Variants in DAB1 observed in about 807,000 individuals in gnomAD.
The protein encoded by DAB1 is DAB adaptor protein 1.
In DAB1, 15 loss-of-function variants were observed where a neutral mutation model predicts 64.6. That is an observed-to-expected ratio of 0.23 (90% CI 0.16 to 0.36). DAB1 has a LOEUF of 0.36. DAB1 is among the 10% of genes least tolerant of loss of function. DAB1 has a pLI of 1.00. For synonymous variants in DAB1, 235 were observed against 251.9 expected (o/e 0.93, Z 0.64); for missense variants, 596 against 706.7 (o/e 0.84, Z 1.78).
chr1:57,052,676 C>A (rs1649307674), intron 9 of DAB1, among the ~76,000 whole-genome samples: 1 of 152,036 alleles, frequency 6.6e-6, no homozygotes. Context: ...TAAATACTGG[C>A]CTATATAATG....
intron 1 of DAB1, among the ~76,000 whole-genome samples, chr1:57,316,421 A>G (rs1675213698): frequency 6.6e-6 from 1 of 152,134 alleles, no homozygotes; most frequent in South Asian, 2.1e-4. Flanking sequence ...CCCTCAAATG[A>G]AGATTTTATT....
intron 1 of DAB1, among the ~76,000 whole-genome samples, chr1:57,333,690 C>T (rs1676861749): frequency 6.6e-6 from 1 of 152,212 alleles, no homozygotes; most frequent in Non-Finnish European, 1.5e-5. Context: ...CTGTAGATTG[C>T]AGACAGTGTT....
intron 9 of DAB1, among the ~76,000 whole-genome samples, chr1:57,061,010 T>C (rs956402794): frequency 1.3e-5 from 2 of 151,838 alleles, no homozygotes; most frequent in African/African-American, 4.8e-5. Context: ...AATGGTGTCA[T>C]GGGGGCTGGA....
chr1:58,066,110 C>T (rs538627802), intron 5 of DAB1, among the ~76,000 whole-genome samples: 119 of 152,168 alleles, frequency 7.8e-4, no homozygotes, highest in Non-Finnish European at 1.3e-3. Flanking sequence ...TAAGCTGATT[C>T]CTAAATAAGA....
At chr1:57,599,652 C>T (rs1187472326) in intron 7 of DAB1, among the ~76,000 whole-genome samples, 1 of 152,096 alleles carries the variant, frequency 6.6e-6, no homozygotes, top group Non-Finnish European at 1.5e-5. Flanking sequence ...ATGTAGAACA[C>T]CTGGAGAGCA....
chr1:57,940,206 G>A (rs557692458), intron 5 of DAB1, among the ~76,000 whole-genome samples: 8 of 152,250 alleles, frequency 5.3e-5, no homozygotes, highest in African/African-American at 1.9e-4. Context: ...CTAAGCCCAG[G>A]GCATTTCAAC....
At chr1:58,174,495 A>G (rs1273822172) in intron 4 of DAB1, among the ~76,000 whole-genome samples, 3 of 152,148 alleles carry the variant, frequency 2.0e-5, no homozygotes, top group African/African-American at 7.2e-5. Context: ...CCTCTGGAGG[A>G]CAGTACAACT....
chr1:57,606,496 A>G (rs1645641152), intron 7 of DAB1, among the ~76,000 whole-genome samples: 1 of 107,106 alleles, frequency 9.3e-6, no homozygotes, highest in South Asian at 2.7e-4. Context: ...CATATGAAAT[A>G]TATAATATAT....
chr1:57,071,329 C>T, intron 6 of DAB1, 193 bp downstream of exon 6: 1 of 713,432 alleles, frequency 1.4e-6, no homozygotes. Flanking sequence ...TTCACTTCAT[C>T]TAACATGTCT....
chr1:58,263,831 T>C (rs972302521), intron 4 of DAB1, among the ~76,000 whole-genome samples: 32 of 152,218 alleles, frequency 2.1e-4, no homozygotes, highest in African/African-American at 7.7e-4. Flanking sequence ...GCTCTATTAG[T>C]GTTATTTTCT....
chr1:57,052,763 G>T (rs528511879), intron 9 of DAB1, among the ~76,000 whole-genome samples: 1 of 152,256 alleles, frequency 6.6e-6, no homozygotes, highest in South Asian at 2.1e-4. Context: ...CACGATATAG[G>T]AATACCTTAT....
At chr1:57,859,560 A>G (rs1653912882) in intron 1 of DAB1, among the ~76,000 whole-genome samples, 2 of 152,160 alleles carry the variant, frequency 1.3e-5, no homozygotes, top group Admixed American at 6.5e-5. Context: ...GGAGGACTTG[A>G]ACCTATCTTT....
intron 4 of DAB1, among the ~76,000 whole-genome samples, chr1:57,105,027 A>G (rs1359255910): frequency 6.6e-6 from 1 of 152,138 alleles, no homozygotes; most frequent in Non-Finnish European, 1.5e-5. Context: ...ACATTTGTAC[A>G]CAAATGAAAA....
intron 7 of DAB1, among the ~76,000 whole-genome samples, chr1:57,564,461 G>A (rs1192016543): frequency 1.3e-5 from 2 of 152,162 alleles, no homozygotes; most frequent in Non-Finnish European, 2.9e-5. Flanking sequence ...GTTGAGAGAA[G>A]GCTTCAGATG....
rs1251496977 is a variant in DAB1, at chr1:58,143,615, A to G, written n.387+6896T>C. 4.6e-5 allele frequency among the ~76,000 whole-genome samples: 7 copies of G among 152,328 alleles called. No homozygotes were observed. The East Asian group carries it at 1.2e-3, about 25-fold the overall frequency. On this transcript the variant is annotated intron_variant and non_coding_transcript_variant, in intron 5 of 20. Coordinates refer to the DAB1 transcript ENST00000485760. ...CCTGGCAGCAGAGACAGGCAATAAC[A>G]GCACTTATTATTGTATGGATTCAAT...
chr1:57,432,448 T>C (rs555831372), intron 7 of DAB1, among the ~76,000 whole-genome samples: 5 of 152,132 alleles, frequency 3.3e-5, no homozygotes, highest in Non-Finnish European at 7.3e-5. Flanking sequence ...GGGTAAACTG[T>C]GTATCAAAAG....
upstream of DAB1, among the ~76,000 whole-genome samples, chr1:57,889,031 C>T (rs1644268028): frequency 6.6e-6 from 1 of 152,108 alleles, no homozygotes; most frequent in Non-Finnish European, 1.5e-5. Flanking sequence ...GAGCTCAGAA[C>T]GTCTGTCATG....
At chr1:58,140,495 C>T (rs750931947) in intron 5 of DAB1, among the ~76,000 whole-genome samples, 20 of 152,062 alleles carry the variant, frequency 1.3e-4, no homozygotes, top group Non-Finnish European at 2.1e-4. Context: ...AAATTGCTTC[C>T]CTTTGCTCAT....
intron 2 of DAB1, among the ~76,000 whole-genome samples, chr1:57,145,881 C>T (rs1454977124): frequency 6.6e-6 from 1 of 152,170 alleles, no homozygotes; most frequent in Non-Finnish European, 1.5e-5. Flanking sequence ...GGGTCCAAGA[C>T]CCTCTTCCCA....
Sources: allele counts gnomAD v4.1 joint callset (sites outside exome capture counted in the v4.1 genomes callset), GRCh38; gene constraint gnomAD v4.1.1; transcripts MANE v1.5; gene names NCBI Gene and HGNC (gene_info 2026-07-23, HGNC 2026-07-21).